The following LRP5 variants were observed in gnomAD, a reference collection of about 807,000 sequenced individuals.
LRP5 encodes low-density lipoprotein receptor-related protein 5.
A neutral mutation model predicts 154.1 loss-of-function variants in LRP5; 62 were observed. That is an observed-to-expected ratio of 0.40 (90% CI 0.33 to 0.50). The LOEUF (loss-of-function observed/expected upper bound fraction) is 0.50, where lower values mean the gene tolerates loss of function less well. Among genes scored for constraint, LRP5 ranks in the 20% least tolerant of loss-of-function variants. The pLI is 0.55. For synonymous variants in LRP5, 966 were observed against 1,011.5 expected (o/e 0.96, Z 0.85); for missense variants, 1,915 against 2,336.7 (o/e 0.82, Z 3.72).
At chr11:68,415,591 C>CA (rs2098662099) in intron 12 of LRP5, among the ~76,000 whole-genome samples, 1 of 148,734 alleles carries the variant, frequency 6.7e-6, no homozygotes, top group Admixed American at 6.8e-5. Context: ...ACTAAAAATA[C>CA]AAAATTAGCC....
intron 1 of LRP5, among the ~76,000 whole-genome samples, chr11:68,319,534 T>C (rs1373916732): frequency 1.3e-5 from 2 of 152,014 alleles, no homozygotes; most frequent in East Asian, 3.9e-4. Flanking sequence ...ATTATTATTA[T>C]TTAATTTTAT....
the LRP5 span, among the ~76,000 whole-genome samples, chr11:68,300,228 T>A: frequency 1.3e-5 from 2 of 148,584 alleles, no homozygotes. Flanking sequence ...TCCCGTGGCG[T>A]TTACAAGCTG....
intron 1 of LRP5, among the ~76,000 whole-genome samples, chr11:68,321,053 T>C (rs1437651286): frequency 6.7e-6 from 1 of 149,068 alleles, no homozygotes; most frequent in African/African-American, 2.5e-5. Flanking sequence ...CATTATTCTG[T>C]CTGGGTTTTT....
chr11:68,384,096 C>T (rs955583321), intron 5 of LRP5, among the ~76,000 whole-genome samples: 4 of 152,052 alleles, frequency 2.6e-5, no homozygotes, highest in African/African-American at 9.7e-5. Context: ...GGGCCCGTGT[C>T]GCTGTTGCCA....
chr11:68,315,442 C>T (rs7111296), intron 1 of LRP5, among the ~76,000 whole-genome samples: 2,196 of 152,328 alleles, frequency 0.014, 40 homozygotes, highest in East Asian at 0.063. Context: ...TGGACAGAGC[C>T]CCTGCGCCCA....
At chr11:68,331,631 C>T (rs1180054047) in intron 1 of LRP5, among the ~76,000 whole-genome samples, 1 of 152,190 alleles carries the variant, frequency 6.6e-6, no homozygotes, top group Non-Finnish European at 1.5e-5. Flanking sequence ...CTGCTCCACC[C>T]CCAAACGTGC....
intron 14 of LRP5, among the ~76,000 whole-genome samples, chr11:68,424,209 G>C (rs1455029733): frequency 2.0e-5 from 3 of 152,194 alleles, no homozygotes; most frequent in Admixed American, 1.3e-4. Flanking sequence ...TGAAACTCAG[G>C]CTCCAAACTG....
In LRP5 at chr11:68,403,657, G is replaced by T; in HGVS notation, c.1759G>T (p.Asp587Tyr). Residue 587 changes from aspartate to tyrosine, a missense_variant, in exon 8 of 23, where the codon GAC becomes TAC. Asp to Tyr is a radical substitution (Grantham distance 160, BLOSUM62 -3). This residue lies in a region of LRP5 where 773 missense variants were observed against 1,100.9 expected (regional missense o/e 0.70). Transcript: ENST00000294304. ...GGACGTCATCATTGACCAGCTGCCC[G>T]ACCTGATGGGGCTCAAAGCTGTGAA... Reference protein sequence around the residue: ...SRDVIIDQLPDLMGLKAVNVA... With the variant: ...SRDVIIDQLPYLMGLKAVNVA... The T allele has an allele frequency of 6.2e-7, 1 of 1,614,124 alleles. No homozygotes were observed. Among genetic ancestry groups the T allele is most frequent in the East Asian group, 2.2e-5 (1 of 44,876 alleles).
At chr11:68,444,576 C>T (rs2098680441) in intron 21 of LRP5, among the ~76,000 whole-genome samples, 1 of 121,782 alleles carries the variant, frequency 8.2e-6, no homozygotes, top group Non-Finnish European at 1.7e-5. Context: ...CCCCACCCCC[C>T]ACCCCCCACC....
At chr11:68,379,495 TCAGA>T (rs969339358) in intron 5 of LRP5, among the ~76,000 whole-genome samples, 3 of 152,184 alleles carry the variant, frequency 2.0e-5, no homozygotes, top group African/African-American at 7.2e-5. Context: ...CACTTAAGTG[TCAGA>T]CAGGCCTTTC....
At chr11:68,318,344 C>T (rs1015416667) in intron 1 of LRP5, among the ~76,000 whole-genome samples, 1 of 149,232 alleles carries the variant, frequency 6.7e-6, no homozygotes, top group Admixed American at 6.6e-5. Context: ...CACACCCGGC[C>T]TGCTTTTTTT....
rs1451814011 is a variant in LRP5, at chr11:68,312,691, G to C, written c.-24G>C. On this transcript the variant is annotated 5_prime_UTR_variant, in exon 1 of 23. Transcript: ENST00000294304. ...CATGGAGCCCGAGTGAGCGCGGCGCGGGCCCGTCCGGCCGCCGGACAACAT... is the reference window on the plus strand; with the variant it reads ...CATGGAGCCCGAGTGAGCGCGGCGCCGGCCCGTCCGGCCGCCGGACAACAT... 6.0e-6 allele frequency: 6 copies of C among 991,872 alleles called. No individual in the cohort carries two copies. The highest frequency in any genetic ancestry group is 7.2e-6 in the Non-Finnish European group (6 of 831,752). 61.4% of individuals were successfully genotyped at this position (991,872 alleles called of 1,614,324 possible).
chr11:68,448,732 C>A, intron 22 of LRP5, 77 bp from the exon 23 acceptor site: 1 of 1,570,012 alleles, frequency 6.4e-7, no homozygotes, highest in Non-Finnish European at 8.7e-7. Flanking sequence ...CTTTCCCGTT[C>A]ACAGCCCCGG....
chr11:68,356,669 C>A (rs2098623423), intron 2 of LRP5, among the ~76,000 whole-genome samples: 1 of 152,184 alleles, frequency 6.6e-6, no homozygotes, highest in African/African-American at 2.4e-5. Context: ...TTGATTTGTA[C>A]ATTCTTGGTT....
Position 68,360,910 on chromosome 11 carries a change from T to C in LRP5, c.687-2837T>C, listed in dbSNP as rs2098627343. 5.9e-5 allele frequency among the ~76,000 whole-genome samples: 8 copies of C among 135,770 alleles called. No individual in the cohort carries two copies. The Admixed American group carries it at 7.0e-4, about 12-fold the overall frequency. 89.1% of individuals were successfully genotyped at this position (135,770 alleles called of 152,430 possible). On this transcript the variant is annotated intron_variant, in intron 3 of 22. Coordinates refer to ENST00000294304, the MANE Select transcript of LRP5 (RefSeq NM_002335.4). ...TACTCGGGAGGCTGAGGCAGGAGAA[T>C]GGCGTGAACCTGGGAGGCGGAGCTT...
rs573541192 is a variant in LRP5 at position 68,329,789 on chromosome 11, C to T, written c.91+16984C>T. ...GCCCCACTGACTGACACCCCTGAGT[C>T]AGTCTCCACCCTGGAACTGTTTCTC... On this transcript the variant is annotated intron_variant, in intron 1 of 22. Coordinates refer to ENST00000294304, the MANE Select transcript of LRP5 (RefSeq NM_002335.4). 1.1e-4 allele frequency among the ~76,000 whole-genome samples: 17 copies of T among 152,360 alleles called. No individual in the cohort carries two copies. In the East Asian group the frequency reaches 2.1e-3, roughly 19 times the overall value.
intron 17 of LRP5, among the ~76,000 whole-genome samples, chr11:68,429,949 AT>A (rs1439250792): frequency 6.6e-6 from 1 of 152,052 alleles, no homozygotes; most frequent in Non-Finnish European, 1.5e-5. Context: ...TAGTTTGAAT[AT>A]TTTTACACTT....
rs780939776 is a variant in LRP5, at chr11:68,413,711, C to T, written c.2526C>T (p.Ala842=). Residue 842 remains alanine, a synonymous_variant, in exon 12 of 23, where the codon GCC becomes GCT. Coordinates refer to ENST00000294304, the MANE Select transcript of LRP5 (RefSeq NM_002335.4). The surrounding 1 kb of genome is among the most constrained non-coding windows in gnomAD (Gnocchi z 5.1). ...NMLGQERVVI[A]DDLPHPFGLT... is the part of the protein sequence containing the mutation. ...CAGGTCAGGAGCGGGTCGTGATTGC[C>T]GACGATCTCCCGCACCCGTTCGGTC... 8.1e-6 allele frequency: 13 copies of T among 1,613,654 alleles called. No homozygotes were observed. The highest frequency in any genetic ancestry group is 1.6e-4 in the Middle Eastern group (1 of 6,084).
intron 7 of LRP5, among the ~76,000 whole-genome samples, chr11:68,394,237 G>T (rs1422270347): frequency 2.6e-5 from 4 of 152,128 alleles, no homozygotes; most frequent in African/African-American, 9.7e-5. Context: ...GGGTTCTGGG[G>T]AATGGGGAAG....
Sources: gnomAD v4.1 joint callset for allele counts (sites outside exome capture counted in the v4.1 genomes callset) on GRCh38, gnomAD v4.1.1 for gene constraint, gnomAD v4.1.1 regional missense constraint, Gnocchi (gnomAD v3.1) non-coding constraint, MANE v1.5 for transcripts, NCBI Gene and HGNC (gene_info 2026-07-23, HGNC 2026-07-21) for gene names.